The following PTGER4 variants were observed in gnomAD, a reference collection of about 807,000 sequenced individuals.
PTGER4 encodes prostaglandin E receptor 4.
A neutral mutation model predicts 33.2 loss-of-function variants in PTGER4; 11 were observed. The observed-to-expected ratio is 0.33, with a 90% CI of 0.21 to 0.55. The LOEUF (loss-of-function observed/expected upper bound fraction) is 0.55, where lower values mean the gene tolerates loss of function less well. Ranked by LOEUF, PTGER4 falls within the 20% of genes least tolerant of loss-of-function variation. PTGER4 has a pLI of 0.92. For missense variants in PTGER4, 481 were observed against 650.2 expected (o/e 0.74, Z 2.83); for synonymous variants, 275 against 281.5 (o/e 0.98, Z 0.23).
intron 2 of PTGER4, chr5:40,685,302 C>G (rs1372131720): frequency 3.0e-6 from 2 of 658,980 alleles, no homozygotes; most frequent in East Asian, 2.7e-4. Context: ...AACTAGTTGT[C>G]TCTATAAAGC....
the PTGER4 span, among the ~76,000 whole-genome samples, chr5:40,716,658 A>ACGTTT: frequency 6.6e-6 from 1 of 152,226 alleles, no homozygotes; most frequent in Non-Finnish European, 1.5e-5. Context: ...TGTTGCCCTA[A>ACGTTT]ACACTGGGGA....
At chr5:40,684,129 C>CT (rs1741269347) in intron 2 of PTGER4, among the ~76,000 whole-genome samples, 1 of 111,940 alleles carries the variant, frequency 8.9e-6, no homozygotes, top group Non-Finnish European at 1.7e-5. Context: ...CACCCACCCC[C>CT]CCCCCCACAA....
chr5:40,697,195 GA>G (rs1256381159), downstream of PTGER4, among the ~76,000 whole-genome samples: 7 of 128,702 alleles, frequency 5.4e-5, no homozygotes, highest in African/African-American at 1.5e-4. Context: ...AAGAAAGAAA[GA>G]AAAGAAAGAA....
In PTGER4 at chr5:40,681,711, G is replaced by A. The variant is rs1741196831; in HGVS notation, c.718G>A (p.Gly240Ser). 4.4e-6 allele frequency: 7 copies of A among 1,588,658 alleles called. No homozygotes were observed. Among genetic ancestry groups the A allele is most frequent in the South Asian group, 1.1e-5 (1 of 89,794 alleles). The change falls in exon 2 of 3, where the codon GGC becomes AGC. Residue 240 changes from glycine (G) to serine (S), a missense_variant. Physicochemically the swap from Gly to Ser is moderately conservative, Grantham distance 56 (BLOSUM62 0). This residue lies in a region of PTGER4 where 174 missense variants were observed against 210.5 expected (regional missense o/e 0.83). Coordinates refer to ENST00000302472, the MANE Select transcript of PTGER4 (RefSeq NM_000958.3). The surrounding 1 kb of genome is among the most constrained non-coding windows in gnomAD (Gnocchi z 9.8). ...CGCGGCCGCCTCGGTTGCCTCCCGG[G>A]GCCACCCCGCTGCCTCCCCAGCCTT... Reference protein sequence around the residue: ...AAAAASVASRGHPAASPALPR... With the variant: ...AAAAASVASRSHPAASPALPR...
chr5:40,730,179 G>C, the PTGER4 span: 1 of 1,002,702 alleles, frequency 1.0e-6, no homozygotes, highest in African/African-American at 1.6e-5. Flanking sequence ...GGGAGAAAAT[G>C]CTATTTTGCT....
the PTGER4 span, among the ~76,000 whole-genome samples, chr5:40,723,409 G>C: frequency 6.8e-6 from 1 of 147,972 alleles, no homozygotes; most frequent in African/African-American, 2.5e-5. Context: ...CCTTCTCCGA[G>C]AAACACCCAA....
At chr5:40,690,689 A>G (rs532616558) in intron 2 of PTGER4, among the ~76,000 whole-genome samples, 11 of 152,348 alleles carry the variant, frequency 7.2e-5, no homozygotes, top group Non-Finnish European at 1.3e-4. Context: ...GAATAAAAGA[A>G]TCTTGGCCTT....
At chr5:40,701,330 C>A in the PTGER4 span, among the ~76,000 whole-genome samples, 102,012 of 152,086 alleles carry the variant, frequency 0.67, 34,368 homozygotes, top group East Asian at 0.8. Context: ...GGTATCAAAA[C>A]GAACCTAACA....
the PTGER4 span, among the ~76,000 whole-genome samples, chr5:40,706,546 AAC>A: frequency 6.6e-6 from 1 of 152,174 alleles, no homozygotes; most frequent in Non-Finnish European, 1.5e-5. Context: ...AAATATGAAT[AAC>A]AACAACAAAA....
chr5:40,698,092 CAAAAAAAA>C (rs1156254550), downstream of PTGER4, among the ~76,000 whole-genome samples: 4 of 40,050 alleles, frequency 1.0e-4, no homozygotes, highest in African/African-American at 4.3e-4. Context: ...CCTGTCTCTA[CAAAAAAAA>C]AAAAAAAAAA....
Position 40,681,935 on chromosome 5 carries a change from C to A in PTGER4, c.867+75C>A. The A allele has an allele frequency of 6.9e-7, 1 of 1,448,470 alleles. No individual in the cohort carries two copies. The allele number at this position is 1,448,470 out of a possible 1,614,324, so 89.7% of individuals were successfully genotyped here. A position where few individuals can be genotyped will look rare whatever the true frequency, so the allele number is the denominator to read the frequency against. ...TCCCGCGTCCATTCCCCGCTCCCTG[C>A]TTTCCCTCTGAGTCCTTGGCAGTGA... On this transcript the variant is annotated intron_variant, in intron 2 of 2. Coordinates refer to ENST00000302472, the MANE Select transcript of PTGER4 (RefSeq NM_000958.3). The surrounding 1 kb of genome is among the most constrained non-coding windows in gnomAD (Gnocchi z 9.8).
the PTGER4 span, among the ~76,000 whole-genome samples, chr5:40,706,517 AAGTT>A: frequency 1.3e-5 from 2 of 152,190 alleles, no homozygotes; most frequent in Non-Finnish European, 2.9e-5. Context: ...TTAAAACAAA[AAGTT>A]AGGGGACCAG....
chr5:40,687,936 A>G (rs1024719689), intron 2 of PTGER4, among the ~76,000 whole-genome samples: 3 of 152,170 alleles, frequency 2.0e-5, no homozygotes, highest in African/African-American at 7.2e-5. Flanking sequence ...GTCGAAATCC[A>G]TTGCTGCTGT....
chr5:40,729,648 C>T, the PTGER4 span, among the ~76,000 whole-genome samples: 76 of 152,136 alleles, frequency 5.0e-4, no homozygotes, highest in African/African-American at 1.7e-3. Flanking sequence ...ACAAGGAAAG[C>T]GTATGTTTTT....
chr5:40,724,636 A>G, the PTGER4 span, among the ~76,000 whole-genome samples: 1 of 152,114 alleles, frequency 6.6e-6, no homozygotes, highest in Non-Finnish European at 1.5e-5. Context: ...CCATCTCAAA[A>G]AAACAAAAAA....
chr5:40,692,580 TA>T lies in PTGER4; in HGVS notation c.*203del. On this transcript the variant is annotated 3_prime_UTR_variant, in exon 3 of 3. Transcript: ENST00000302472. ...CTGAGGCCTGCAGCACGTCGGATGC[TA>T]CCCCACTATGACAGAGGATTGTGGT... 1 of 1,358,042 alleles carries T rather than the reference TA, an allele frequency of 7.4e-7. No individual in the cohort carries two copies. The highest frequency in any genetic ancestry group is 9.5e-7 in the Non-Finnish European group (1 of 1,056,220). 84.1% of individuals were successfully genotyped at this position (1,358,042 alleles called of 1,614,324 possible). A position where few individuals can be genotyped will look rare whatever the true frequency, so the allele number is the denominator to read the frequency against.
chr5:40,720,332 A>G, the PTGER4 span, among the ~76,000 whole-genome samples: 2 of 152,154 alleles, frequency 1.3e-5, no homozygotes, highest in African/African-American at 2.4e-5. Context: ...TTGTCTTGAC[A>G]CCCTTGTCCA....
chr5:40,687,004 G>T (rs1195185931), intron 2 of PTGER4, among the ~76,000 whole-genome samples: 1 of 152,108 alleles, frequency 6.6e-6, no homozygotes, highest in Non-Finnish European at 1.5e-5. Flanking sequence ...GAAGAAAGGA[G>T]ATACGTTGTT....
the PTGER4 span, among the ~76,000 whole-genome samples, chr5:40,742,756 G>A: frequency 6.6e-6 from 1 of 152,204 alleles, no homozygotes; most frequent in Admixed American, 6.5e-5. Context: ...CATTCGGGAG[G>A]AGGGTGAGAA....
Sources: gnomAD v4.1 joint callset for allele counts (sites outside exome capture counted in the v4.1 genomes callset) on GRCh38, gnomAD v4.1.1 for gene constraint, gnomAD v4.1.1 regional missense constraint, Gnocchi (gnomAD v3.1) non-coding constraint, MANE v1.5 for transcripts, NCBI Gene and HGNC (gene_info 2026-07-23, HGNC 2026-07-21) for gene names.